Variants in LGR6 observed in about 807,000 individuals in gnomAD.
LGR6 encodes leucine-rich repeat-containing G protein-coupled receptor 6.
A neutral mutation model predicts 69.4 loss-of-function variants in LGR6; 45 were observed. That is an observed-to-expected ratio of 0.65 (90% CI 0.51 to 0.83). The LOEUF (loss-of-function observed/expected upper bound fraction) is 0.83, where lower values mean the gene tolerates loss of function less well. LGR6 is among the 40% of genes least tolerant of loss of function. The pLI is 0.00. For synonymous variants in LGR6, 538 were observed against 555.0 expected, an observed-to-expected ratio of 0.97 and a Z score of 0.43; for missense variants, 1,108 against 1,246.7, an observed-to-expected ratio of 0.89 and a Z score of 1.68.
At chr1:202,216,490 G>C (rs1217243151) in intron 1 of LGR6, among the ~76,000 whole-genome samples, 1 of 152,196 alleles carries the variant, frequency 6.6e-6, no homozygotes, top group Admixed American at 6.5e-5. Flanking sequence ...ATCTTTATGT[G>C]GCTATTGAGC....
At chr1:202,208,631 C>A (rs1659346741) in intron 1 of LGR6, among the ~76,000 whole-genome samples, 1 of 152,052 alleles carries the variant, frequency 6.6e-6, no homozygotes, top group Non-Finnish European at 1.5e-5. Context: ...AATGCCTACC[C>A]CCCCGCCAGC....
intron 4 of LGR6, among the ~76,000 whole-genome samples, chr1:202,271,418 A>G (rs1460092014): frequency 6.6e-6 from 1 of 152,056 alleles, no homozygotes; most frequent in Non-Finnish European, 1.5e-5. Context: ...GGGTGGGGAG[A>G]TAGTAAGAGG....
chr1:202,296,571 C>A (rs1332775482), intron 6 of LGR6, among the ~76,000 whole-genome samples: 2 of 152,142 alleles, frequency 1.3e-5, no homozygotes, highest in African/African-American at 4.8e-5. Flanking sequence ...TAAATCTTTT[C>A]TGATGAAAAT....
At chr1:202,302,710 C>G (rs980661996) in intron 9 of LGR6, among the ~76,000 whole-genome samples, 16 of 152,150 alleles carry the variant, frequency 1.1e-4, no homozygotes, top group Non-Finnish European at 2.2e-4. Context: ...CCACGCCCGA[C>G]TGCTTTTTGT....
At chr1:202,219,383 G>A (rs1342169104) in intron 1 of LGR6, among the ~76,000 whole-genome samples, 1 of 152,228 alleles carries the variant, frequency 6.6e-6, no homozygotes, top group African/African-American at 2.4e-5. Context: ...AGACTGAGAG[G>A]AGAAGGCTCT....
chr1:202,274,910 T>C (rs1443750653), intron 4 of LGR6, among the ~76,000 whole-genome samples: 1 of 152,212 alleles, frequency 6.6e-6, no homozygotes, highest in Non-Finnish European at 1.5e-5. Flanking sequence ...CTGGTGAATG[T>C]GCTTTCACAC....
intron 4 of LGR6, among the ~76,000 whole-genome samples, chr1:202,254,797 A>G (rs1663617940): frequency 6.6e-6 from 1 of 151,890 alleles, no homozygotes; most frequent in South Asian, 2.1e-4. Context: ...GAGGTGGCTC[A>G]TGCCTGTGAT....
At position 202,318,163 on chromosome 1, in the gene LGR6, A is replaced by T. The variant is rs748779236; in HGVS notation, c.1860A>T (p.Ser620=). ...LTGISCGLLA[S]VDALTFGQFS... is the part of the protein sequence containing the mutation. ...GCATTTCCTGTGGCCTTCTAGCCTC[A>T]GTCGATGCCCTGACCTTTGGTCAGT... Residue 620 remains serine (S), a synonymous_variant, in exon 18 of 18, where the codon TCA becomes TCT. Coordinates refer to ENST00000367278, the MANE Select transcript of LGR6 (RefSeq NM_001017403.2). 9.4e-5 allele frequency: 152 copies of T among 1,613,812 alleles called. No individual in the cohort carries two copies. Among genetic ancestry groups the T allele is most frequent in the Non-Finnish European group, 1.3e-4 (148 of 1,180,012 alleles).
intron 3 of LGR6, among the ~76,000 whole-genome samples, chr1:202,235,353 G>C (rs1253284436): frequency 3.3e-5 from 5 of 152,150 alleles, no homozygotes; most frequent in Non-Finnish European, 7.3e-5. Flanking sequence ...CTTCTTTGAG[G>C]GATTAGGTGA....
Position 202,194,027 on chromosome 1 carries a change from G to C in LGR6, c.38G>C (p.Cys13Ser). 2.2e-6 allele frequency: 3 copies of C among 1,389,666 alleles called. No individual in the cohort carries two copies. The highest frequency in any genetic ancestry group is 2.8e-6 in the Non-Finnish European group (3 of 1,077,962). 86.1% of individuals were successfully genotyped at this position (1,389,666 alleles called of 1,614,324 possible). A position where few individuals can be genotyped will look rare whatever the true frequency, so the allele number is the denominator to read the frequency against. The change falls in exon 1 of 18, where the codon TGC becomes TCC. Residue 13 changes from cysteine to serine, a missense_variant. By Grantham distance (112) the Cys-to-Ser change is moderately radical (BLOSUM62 -1). Transcript: ENST00000367278. ...CCGGGGCTCCGGGCGCTATGGCTTT[G>C]CGCCGCGCTGTGCGCTTCCCGGAGG... ...SPPGLRALWL[C>S]AALCASRRAG... is the part of the protein sequence containing the mutation.
At chr1:202,205,969 A>ACACAC (rs1553238579) in intron 1 of LGR6, among the ~76,000 whole-genome samples, 2 of 149,004 alleles carry the variant, frequency 1.3e-5, no homozygotes, top group African/African-American at 2.5e-5. Flanking sequence ...ACAGACACAC[A>ACACAC]ACACACACAC....
chr1:202,210,870 C>T (rs1053234016), intron 1 of LGR6: 3 of 152,286 alleles, frequency 2.0e-5, no homozygotes, highest in East Asian at 1.9e-4. Flanking sequence ...ACAGTGTGCC[C>T]GACACTTGCC....
At position 202,268,270 on chromosome 1, in the gene LGR6, TG is replaced by T. The variant is rs1290495567; in HGVS notation, c.429-8033del. On this transcript the variant is annotated intron_variant, in intron 4 of 17. Coordinates refer to ENST00000367278, the MANE Select transcript of LGR6 (RefSeq NM_001017403.2). The surrounding 1 kb of genome is among the most constrained non-coding windows in gnomAD (Gnocchi z 4.4). ...GGCGGCTGGTGCTGGTGTGGGAGGC[TG>T]GGCCCTGCCGCCTATGGAAGGCCCA... Among the ~76,000 whole-genome samples, 1 of 152,168 alleles carries T rather than the reference TG, an allele frequency of 6.6e-6. No homozygotes were observed. The highest frequency in any genetic ancestry group is 1.5e-5 in the Non-Finnish European group (1 of 68,026).
chr1:202,257,573 T>C (rs3010075), intron 4 of LGR6, among the ~76,000 whole-genome samples: 94,009 of 151,978 alleles, frequency 0.62, 30,097 homozygotes, highest in East Asian at 0.83. Context: ...TCTTTAAAAA[T>C]GCTGTTTTCT....
At chr1:202,214,007 A>G in intron 1 of LGR6, 1 of 1,313,896 alleles carries the variant, frequency 7.6e-7, no homozygotes, top group South Asian at 2.1e-5. Context: ...TGAACCAAAT[A>G]GTTCGGGAGT....
intron 4 of LGR6, among the ~76,000 whole-genome samples, chr1:202,240,757 G>T (rs563234329): frequency 7.1e-4 from 108 of 152,250 alleles, no homozygotes; most frequent in Non-Finnish European, 1.5e-3. Context: ...GGCCCAGGTG[G>T]CTAGGCTGAA....
intron 3 of LGR6, among the ~76,000 whole-genome samples, chr1:202,232,666 A>T (rs1199541759): frequency 7.4e-6 from 1 of 134,810 alleles, no homozygotes; most frequent in Non-Finnish European, 1.7e-5. Context: ...TCTACAAAAA[A>T]ATGTTAAAAC....
intron 4 of LGR6, among the ~76,000 whole-genome samples, chr1:202,240,218 C>CA (rs1456036648): frequency 3.3e-5 from 5 of 151,838 alleles, no homozygotes; most frequent in Non-Finnish European, 5.9e-5. Context: ...ACTAAAAATT[C>CA]AAAAAATTAG....
chr1:202,237,460 G>A (rs937615901), intron 4 of LGR6, among the ~76,000 whole-genome samples: 41 of 152,164 alleles, frequency 2.7e-4, no homozygotes, highest in Admixed American at 7.9e-4. Flanking sequence ...CTTCATAGGG[G>A]AAAAAAATTA....
Sources: gnomAD v4.1 joint callset for allele counts (sites outside exome capture counted in the v4.1 genomes callset) on GRCh38, gnomAD v4.1.1 for gene constraint, Gnocchi (gnomAD v3.1) non-coding constraint, MANE v1.5 for transcripts, NCBI Gene and HGNC (gene_info 2026-07-23, HGNC 2026-07-21) for gene names.